The following NCAM1 variants were observed in gnomAD, a reference collection of about 807,000 sequenced individuals.
NCAM1 encodes the protein antigen recognized by monoclonal antibody 5.1H11.
NCAM1 carries 14 observed loss-of-function variants against 109.8 expected under a neutral mutation model. The observed-to-expected ratio is 0.13, with a 90% confidence interval of 0.08 to 0.20. The LOEUF is 0.20. Among genes scored for constraint, NCAM1 ranks in the 10% least tolerant of loss-of-function variants. NCAM1 has a pLI of 1.00. For missense variants in NCAM1, 774 were observed against 1,109.9 expected (o/e 0.70, Z 4.30); for synonymous variants, 418 against 442.9 (o/e 0.94, Z 0.70).
At chr11:113,230,848 G>C (rs1454790176) in intron 9 of NCAM1, among the ~76,000 whole-genome samples, 1 of 152,170 alleles carries the variant, frequency 6.6e-6, no homozygotes, top group African/African-American at 2.4e-5. Flanking sequence ...AATCCCCTTG[G>C]AAATACTCCA....
chr11:113,010,233 T>C (rs1555074141), intron 1 of NCAM1, among the ~76,000 whole-genome samples: 1 of 152,242 alleles, frequency 6.6e-6, no homozygotes, highest in Non-Finnish European at 1.5e-5. Context: ...TTTTTATATA[T>C]TTATTAAAGT....
chr11:113,024,169 C>T (rs999880968), intron 1 of NCAM1, among the ~76,000 whole-genome samples: 5 of 152,152 alleles, frequency 3.3e-5, no homozygotes, highest in Non-Finnish European at 1.5e-5. Context: ...CTAGCAACAA[C>T]CTCTAGTCTC....
At chr11:113,037,958 G>A (rs1565397959) in intron 1 of NCAM1, among the ~76,000 whole-genome samples, 3 of 152,140 alleles carry the variant, frequency 2.0e-5, no homozygotes, top group Admixed American at 6.5e-5. Flanking sequence ...AGCCTCCAAG[G>A]AAAGAAAAAT....
Position 113,038,767 on chromosome 11 carries a change from G to A in NCAM1, c.52+77103G>A, listed in dbSNP as rs781993205. ...GTTTTGAAAACATCATAGAGATGTT[G>A]AGGGGGAGAAATGCTTTGCTTCTGC... On this transcript the variant is annotated intron_variant, in intron 1 of 19. Transcript: ENST00000316851. Among the ~76,000 whole-genome samples the A allele has an allele frequency of 6.3e-4, 96 of 152,202 alleles. 2 individuals are homozygous for A. The highest frequency in any genetic ancestry group is 2.9e-4 in the Non-Finnish European group (20 of 68,038).
chr11:113,216,146 A>ATT (rs34687568), intron 8 of NCAM1, among the ~76,000 whole-genome samples: 4,627 of 101,414 alleles, frequency 0.046, 323 homozygotes, highest in African/African-American at 0.098. Flanking sequence ...CTATGATTTC[A>ATT]TTTTTTTTTT....
intron 1 of NCAM1, among the ~76,000 whole-genome samples, chr11:113,191,481 T>C (rs1415536489): frequency 6.6e-6 from 1 of 152,202 alleles, no homozygotes; most frequent in African/African-American, 2.4e-5. Context: ...ATTGACTTTA[T>C]AGAAATATAT....
chr11:113,075,271 T>C (rs1938478153), intron 1 of NCAM1, among the ~76,000 whole-genome samples: 1 of 152,162 alleles, frequency 6.6e-6, no homozygotes, highest in East Asian at 1.9e-4. Context: ...CGTCTCACTA[T>C]GTTGCTCAGG....
At chr11:113,242,886 T>C (rs1555119379) in intron 14 of NCAM1, 2 of 1,613,688 alleles carry the variant, frequency 1.2e-6, no homozygotes, top group Admixed American at 3.3e-5. Context: ...AGACCTCTGA[T>C]CGCTTGTTGT....
At chr11:113,214,260 G>T (rs1944464773) in intron 7 of NCAM1, 109 bp from the exon 8 acceptor site, 1 of 1,175,668 alleles carries the variant, frequency 8.5e-7, no homozygotes, top group Non-Finnish European at 1.2e-6. Context: ...CTAGACTAGG[G>T]TCTTGTACTT....
intron 1 of NCAM1, among the ~76,000 whole-genome samples, chr11:113,081,127 T>G (rs1181862101): frequency 6.6e-6 from 1 of 152,198 alleles, no homozygotes; most frequent in South Asian, 2.1e-4. Flanking sequence ...GGAGAGATGA[T>G]TCCTGATAAA....
intron 1 of NCAM1, among the ~76,000 whole-genome samples, chr11:113,025,996 T>C (rs1555077247): frequency 6.6e-6 from 1 of 152,196 alleles, no homozygotes; most frequent in Admixed American, 6.5e-5. Context: ...TAATGCTTAT[T>C]GAACTGTCAG....
At chr11:113,105,021 A>G (rs912504852) in intron 1 of NCAM1, among the ~76,000 whole-genome samples, 4 of 152,238 alleles carry the variant, frequency 2.6e-5, no homozygotes, top group African/African-American at 9.6e-5. Flanking sequence ...TGATTTGCCT[A>G]TTGATCTGCT....
Position 113,205,686 on chromosome 11 carries a change from G to A in NCAM1, c.490+20G>A, listed in dbSNP as rs781924056. ...AAGATGGTGAGACCTGAATTTCCTG[G>A]CATCTGCCTTTTCCCCAGGCCACCA... On this transcript the variant is annotated intron_variant, in intron 4 of 19. Transcript: ENST00000316851. 1.9e-6 allele frequency: 3 copies of A among 1,608,890 alleles called. No homozygotes were observed. The highest frequency in any genetic ancestry group is 2.5e-6 in the Non-Finnish European group (3 of 1,177,598).
At chr11:113,120,548 T>C (rs1022910022) in intron 1 of NCAM1, among the ~76,000 whole-genome samples, 1 of 152,200 alleles carries the variant, frequency 6.6e-6, no homozygotes, top group Non-Finnish European at 1.5e-5. Context: ...CGCTTTGCAC[T>C]GATTCATGCC....
At chr11:113,205,385 G>T in intron 3 of NCAM1, 138 bp from the exon 4 acceptor site, 1 of 1,113,674 alleles carries the variant, frequency 9.0e-7, no homozygotes, top group Non-Finnish European at 1.2e-6. Flanking sequence ...TGACGTCTCT[G>T]AGGGTGCCCC....
intron 19 of NCAM1, chr11:113,272,862 C>A (rs1043496104): frequency 1.8e-5 from 8 of 452,902 alleles, no homozygotes; most frequent in Non-Finnish European, 3.1e-5. Flanking sequence ...TGGGCTTCAG[C>A]CCTCCTCCTC....
chr11:113,161,924 T>C (rs1942612924), intron 1 of NCAM1, among the ~76,000 whole-genome samples: 1 of 152,140 alleles, frequency 6.6e-6, no homozygotes, highest in Non-Finnish European at 1.5e-5. Flanking sequence ...AACTGATTTT[T>C]TTTCCCCTGA....
chr11:113,139,569 T>C (rs1010908152), intron 1 of NCAM1, among the ~76,000 whole-genome samples: 1 of 152,236 alleles, frequency 6.6e-6, no homozygotes, highest in East Asian at 1.9e-4. Context: ...CATCTCTTCA[T>C]GTACACATAT....
chr11:113,145,432 T>C (rs1440448999), intron 1 of NCAM1, among the ~76,000 whole-genome samples: 1 of 152,302 alleles, frequency 6.6e-6, no homozygotes, highest in East Asian at 1.9e-4. Context: ...TCTGGAACAA[T>C]TGCCAAAAGG....
Sources: gnomAD v4.1 joint callset for allele counts (sites outside exome capture counted in the v4.1 genomes callset) on GRCh38, gnomAD v4.1.1 for gene constraint, MANE v1.5 for transcripts, NCBI Gene and HGNC (gene_info 2026-07-23, HGNC 2026-07-21) for gene names.